The following AXDND1 variants were observed in gnomAD, a reference collection of about 807,000 sequenced individuals.
AXDND1 encodes the protein axonemal dynein light chain domain-containing protein 1.
A neutral mutation model predicts 137.5 loss-of-function variants in AXDND1; 110 were observed. The observed-to-expected ratio is 0.80, with a 90% CI of 0.69 to 0.94. The LOEUF is 0.94. Ranked by LOEUF, AXDND1 falls within the 40% of genes least tolerant of loss-of-function variation. AXDND1 has a pLI of 0.00. For missense variants in AXDND1, 1,191 were observed against 1,169.8 expected (o/e 1.02, Z -0.26); for synonymous variants, 414 against 399.7 (o/e 1.04, Z -0.43).
chr1:179,390,885 C>A (rs1650061931), intron 9 of AXDND1, among the ~76,000 whole-genome samples: 1 of 152,180 alleles, frequency 6.6e-6, no homozygotes, highest in African/African-American at 2.4e-5. Context: ...TGGCTCACTG[C>A]AACCTCTGCC....
intron 13 of AXDND1, 87 bp from the exon 14 acceptor site, chr1:179,430,365 A>T (rs1221746835): frequency 9.9e-6 from 10 of 1,008,262 alleles, no homozygotes; most frequent in Middle Eastern, 3.4e-4. Flanking sequence ...CTAGTATTAC[A>T]ATATTAATAA....
intron 15 of AXDND1, among the ~76,000 whole-genome samples, chr1:179,442,040 G>C (rs143872989): frequency 0.015 from 2,286 of 152,294 alleles, 28 homozygotes; most frequent in South Asian, 0.025. Context: ...AACTCTAGTG[G>C]AGTGTGTTCA....
Position 179,492,845 on chromosome 1 carries a change from C to G in AXDND1, c.2292-10C>G. On this transcript the variant is annotated splice_polypyrimidine_tract_variant and intron_variant, in intron 19 of 25. Transcript: ENST00000367618. ...TCTTTTTCTTTTTCTTTTTTTCCCC[C>G]TTTTTGCAGTTGTTGCAAAGGGATG... The G allele has an allele frequency of 2.5e-6, 4 of 1,574,446 alleles. No homozygotes were observed. The highest frequency in any genetic ancestry group is 3.4e-6 in the Non-Finnish European group (4 of 1,159,904).
chr1:179,521,819 C>T (rs528556493), intron 21 of AXDND1, among the ~76,000 whole-genome samples: 109 of 145,090 alleles, frequency 7.5e-4, no homozygotes, highest in African/African-American at 2.5e-3. Context: ...TCTTTTCTCT[C>T]AGCACATCGT....
intron 9 of AXDND1, among the ~76,000 whole-genome samples, chr1:179,390,386 A>G (rs1001120725): frequency 6.6e-6 from 1 of 152,152 alleles, no homozygotes; most frequent in African/African-American, 2.4e-5. Flanking sequence ...ATCACTTCCA[A>G]ATATTTTGTT....
At chr1:179,528,539 A>C in intron 23 of AXDND1, 108 bp downstream of exon 23, 1 of 590,082 alleles carries the variant, frequency 1.7e-6, no homozygotes, top group South Asian at 3.5e-5. Flanking sequence ...AGGGATTCCT[A>C]AGTCATGTAT....
intron 16 of AXDND1, among the ~76,000 whole-genome samples, chr1:179,460,541 T>G (rs1263702916): frequency 6.6e-6 from 1 of 152,208 alleles, no homozygotes; most frequent in Non-Finnish European, 1.5e-5. Flanking sequence ...GCAGCATGAT[T>G]TATAATCCTT....
At chr1:179,543,122 AG>A (rs1672320896) in intron 25 of AXDND1, 1 of 152,248 alleles carries the variant, frequency 6.6e-6, no homozygotes, top group Admixed American at 6.5e-5. Flanking sequence ...AGGGTTGTGC[AG>A]TGAAGGAATA....
chr1:179,379,449 G>A lies in AXDND1; in HGVS notation c.548G>A (p.Ser183Asn). The A allele has an allele frequency of 6.2e-7, 1 of 1,613,610 alleles. No individual in the cohort carries two copies. The highest frequency in any genetic ancestry group is 2.2e-5 in the East Asian group (1 of 44,858). Residue 183 changes from serine (S) to asparagine (N), a missense_variant, in exon 6 of 26, where the codon AGT becomes AAT. Physicochemically the swap from Ser to Asn is conservative, Grantham distance 46. Transcript: ENST00000367618. ...LIPEEFHIVS[S>N]TGVSGLECYD... ...CCTGAAGAATTTCATATTGTGTCAA[G>A]TACAGGAGTTTCAGGTTTGGAGTGT...
chr1:179,403,064 C>T (rs569527594), intron 11 of AXDND1, among the ~76,000 whole-genome samples: 4 of 152,204 alleles, frequency 2.6e-5, no homozygotes, highest in Admixed American at 2.6e-4. Flanking sequence ...TTTTGATGTC[C>T]CCAGAACTTA....
At chr1:179,485,620 C>T (rs1383203721) in intron 18 of AXDND1, among the ~76,000 whole-genome samples, 1 of 152,174 alleles carries the variant, frequency 6.6e-6, no homozygotes, top group Non-Finnish European at 1.5e-5. Flanking sequence ...ACTCTGGCAA[C>T]TCAAGAAGCC....
chr1:179,481,446 G>A (rs150462534), intron 17 of AXDND1, among the ~76,000 whole-genome samples: 2,385 of 152,250 alleles, frequency 0.016, 50 homozygotes, highest in African/African-American at 0.053. Flanking sequence ...GTGAACATAC[G>A]TGTGCATGTG....
chr1:179,518,615 C>T (rs1016143446), intron 21 of AXDND1, among the ~76,000 whole-genome samples: 3 of 152,124 alleles, frequency 2.0e-5, no homozygotes, highest in African/African-American at 4.8e-5. Flanking sequence ...TCATTTAGGT[C>T]CCACTTAACA....
chr1:179,456,356 C>T (rs988428748), intron 16 of AXDND1: 13 of 774,376 alleles, frequency 1.7e-5, no homozygotes, highest in Middle Eastern at 7.4e-4. Flanking sequence ...TTCCTCCCTT[C>T]GTGGGTCCAA....
chr1:179,488,645 TTCTTTC>T (rs1558256629), intron 18 of AXDND1, among the ~76,000 whole-genome samples: 1 of 70,350 alleles, frequency 1.4e-5, no homozygotes, highest in Non-Finnish European at 2.9e-5. Flanking sequence ...CTTTCTTTCT[TTCTTTC>T]TTTCTTTCTT....
chr1:179,458,568 A>G (rs1235443934), intron 16 of AXDND1, among the ~76,000 whole-genome samples: 1 of 152,112 alleles, frequency 6.6e-6, no homozygotes, highest in African/African-American at 2.4e-5. Flanking sequence ...ACCAAGTAGA[A>G]TATATTCCAG....
intron 12 of AXDND1, among the ~76,000 whole-genome samples, chr1:179,417,099 A>C (rs1344569445): frequency 6.6e-6 from 1 of 150,556 alleles, no homozygotes; most frequent in Non-Finnish European, 1.5e-5. Context: ...GATGTTGAGC[A>C]TTTTTTCACA....
At chr1:179,495,274 T>C (rs562306775) in intron 20 of AXDND1, among the ~76,000 whole-genome samples, 38 of 152,266 alleles carry the variant, frequency 2.5e-4, no homozygotes, top group African/African-American at 9.1e-4. Flanking sequence ...TATTGATCAG[T>C]TTGTGGAGAA....
chr1:179,400,299 C>T (rs1286305421), intron 11 of AXDND1, among the ~76,000 whole-genome samples: 1 of 151,982 alleles, frequency 6.6e-6, no homozygotes, highest in African/African-American at 2.4e-5. Flanking sequence ...GATTGGAGAC[C>T]ATTATTCTAA....
Sources: gnomAD v4.1 joint callset for allele counts (sites outside exome capture counted in the v4.1 genomes callset) on GRCh38, gnomAD v4.1.1 for gene constraint, MANE v1.5 for transcripts, NCBI Gene and HGNC (gene_info 2026-07-23, HGNC 2026-07-21) for gene names.